The following GDAP1 variants were observed in gnomAD, a reference collection of about 807,000 sequenced individuals.
GDAP1 encodes the protein ganglioside-induced differentiation-associated protein 1.
In GDAP1, 34 loss-of-function variants were observed where a neutral mutation model predicts 40.1. The observed-to-expected ratio is 0.85, with a 90% CI of 0.64 to 1.13. The LOEUF is 1.13. Among genes scored for constraint, GDAP1 ranks in the 50% most tolerant of loss-of-function variants. The pLI, the probability that GDAP1 is intolerant of heterozygous loss-of-function variation, is 0.00. For missense variants in GDAP1, 374 were observed against 433.7 expected, an observed-to-expected ratio of 0.86 and a Z score of 1.22; for synonymous variants, 170 against 157.4, an observed-to-expected ratio of 1.08 and a Z score of -0.60.
intron 2 of GDAP1, among the ~76,000 whole-genome samples, chr8:74,471,547 A>T (rs1049687717): frequency 9.9e-5 from 15 of 151,494 alleles, no homozygotes; most frequent in African/African-American, 3.6e-4. Flanking sequence ...TATTTAAATG[A>T]TTTTTCATTG....
intron 2 of GDAP1, among the ~76,000 whole-genome samples, chr8:74,375,268 A>G (rs537369945): frequency 2.0e-5 from 3 of 152,214 alleles, no homozygotes; most frequent in East Asian, 1.9e-4. Flanking sequence ...CAGAGGTTGC[A>G]GTGAGCCGAG....
intron 2 of GDAP1, among the ~76,000 whole-genome samples, chr8:74,434,433 A>T (rs1806064439): frequency 6.6e-6 from 1 of 152,172 alleles, no homozygotes; most frequent in Admixed American, 6.5e-5. Context: ...TATACTGAAG[A>T]TTTAAAATGA....
chr8:74,407,000 T>C (rs1012920250), intron 2 of GDAP1, among the ~76,000 whole-genome samples: 1 of 149,878 alleles, frequency 6.7e-6, no homozygotes, highest in African/African-American at 2.5e-5. Context: ...CAGAATATAA[T>C]TTTGTCTGCT....
intron 2 of GDAP1, among the ~76,000 whole-genome samples, chr8:74,401,267 T>C (rs1285185096): frequency 2.0e-5 from 3 of 149,180 alleles, no homozygotes; most frequent in Non-Finnish European, 4.4e-5. Flanking sequence ...CATTCTTTTT[T>C]CTCTAAACTT....
intron 2 of GDAP1, among the ~76,000 whole-genome samples, chr8:74,426,656 T>C (rs1012650048): frequency 6.6e-6 from 1 of 152,276 alleles, no homozygotes; most frequent in Non-Finnish European, 1.5e-5. Context: ...GATTGAATGC[T>C]GGCTAGAAGA....
At chr8:74,400,830 A>T (rs1810317299) in intron 2 of GDAP1, among the ~76,000 whole-genome samples, 1 of 149,246 alleles carries the variant, frequency 6.7e-6, no homozygotes, top group Non-Finnish European at 1.5e-5. Flanking sequence ...TTGGCTGGAT[A>T]TGAAATTCTG....
chr8:74,455,316 A>G (rs1806323003), intron 2 of GDAP1, among the ~76,000 whole-genome samples: 1 of 151,952 alleles, frequency 6.6e-6, no homozygotes, highest in African/African-American at 2.4e-5. Flanking sequence ...GGGCATTTTA[A>G]AAACAAAAGG....
chr8:74,469,475 T>C (rs1400079463), intron 2 of GDAP1, among the ~76,000 whole-genome samples: 2 of 151,042 alleles, frequency 1.3e-5, no homozygotes, highest in Non-Finnish European at 2.9e-5. Flanking sequence ...GAGACCATCT[T>C]GGCTAACACG....
intron 2 of GDAP1, among the ~76,000 whole-genome samples, chr8:74,423,762 C>G (rs1805912826): frequency 6.6e-6 from 1 of 152,058 alleles, no homozygotes; most frequent in Non-Finnish European, 1.5e-5. Flanking sequence ...GGATTTCTTG[C>G]ATCACAAGAG....
intron 2 of GDAP1, among the ~76,000 whole-genome samples, chr8:74,478,438 C>T (rs910944743): frequency 2.6e-5 from 4 of 151,894 alleles, no homozygotes; most frequent in African/African-American, 9.7e-5. Flanking sequence ...GTACACTCTA[C>T]CAGTCAGGTG....
chr8:74,357,786 T>C (rs1809174778), intron 2 of GDAP1, among the ~76,000 whole-genome samples: 1 of 152,188 alleles, frequency 6.6e-6, no homozygotes, highest in South Asian at 2.1e-4. Context: ...CGCTATGCCT[T>C]ATGTTGCTTT....
At chr8:74,362,166 A>T (rs570458493) in intron 4 of GDAP1, among the ~76,000 whole-genome samples, 188 bp downstream of exon 4, 2 of 152,300 alleles carry the variant, frequency 1.3e-5, no homozygotes, top group Non-Finnish European at 2.9e-5. Context: ...AAACTTGATG[A>T]CAAGTGCTTA....
chr8:74,486,506 C>T (rs1359351211), intron 2 of GDAP1, among the ~76,000 whole-genome samples: 2 of 152,314 alleles, frequency 1.3e-5, no homozygotes, highest in African/African-American at 2.4e-5. Context: ...GAATAACCAG[C>T]TGACGCTGGA....
At chr8:74,441,088 CT>C (rs1806156860) in intron 2 of GDAP1, among the ~76,000 whole-genome samples, 1 of 152,140 alleles carries the variant, frequency 6.6e-6, no homozygotes, top group Non-Finnish European at 1.5e-5. Context: ...ACTTTTCTAA[CT>C]TCAAATTTAC....
chr8:74,402,972 T>G (rs909860078), intron 2 of GDAP1, among the ~76,000 whole-genome samples: 1 of 150,078 alleles, frequency 6.7e-6, no homozygotes, highest in Non-Finnish European at 1.5e-5. Flanking sequence ...TTTCAAAAGT[T>G]AATGAGAAAA....
At chr8:74,366,973 T>C (rs1370758192), downstream of GDAP1, 1 of 330,538 alleles carries the variant, frequency 3.0e-6, no homozygotes, top group East Asian at 7.9e-5. Context: ...TAAGCAGAGG[T>C]TAGGTATTCA....
chr8:74,420,829 A>T (rs2131558799), intron 2 of GDAP1, among the ~76,000 whole-genome samples: 1 of 151,972 alleles, frequency 6.6e-6, no homozygotes, highest in African/African-American at 2.4e-5. Context: ...TTAATGTTTC[A>T]GCAATCTAGT....
chr8:74,471,651 A>G (rs1055021163), intron 2 of GDAP1, among the ~76,000 whole-genome samples: 4 of 152,130 alleles, frequency 2.6e-5, no homozygotes, highest in Non-Finnish European at 4.4e-5. Context: ...TTTAATTTTC[A>G]TTACCCTGTT....
intron 2 of GDAP1, among the ~76,000 whole-genome samples, chr8:74,372,404 A>G (rs1275700851): frequency 2.0e-5 from 3 of 152,158 alleles, no homozygotes; most frequent in East Asian, 1.9e-4. Context: ...AAGTGTTCCT[A>G]TGTCTCCACA....
Sources: allele counts gnomAD v4.1 joint callset (sites outside exome capture counted in the v4.1 genomes callset), GRCh38; gene constraint gnomAD v4.1.1; transcripts MANE v1.5; gene names NCBI Gene and HGNC (gene_info 2026-07-23, HGNC 2026-07-21).